Variants in KMT2E observed in about 807,000 individuals in gnomAD.
KMT2E encodes lysine methyltransferase 2E (inactive).
KMT2E carries 30 observed loss-of-function variants against 184.6 expected under a neutral mutation model. The observed-to-expected ratio is 0.16, with a 90% CI of 0.12 to 0.22. KMT2E has a LOEUF of 0.22. Ranked by LOEUF, KMT2E falls within the 10% of genes least tolerant of loss-of-function variation. The probability of loss-of-function intolerance (pLI) is 1.00; values close to 1 mark genes in which losing one functional copy is unlikely to be tolerated. For missense variants in KMT2E, 2,023 were observed against 2,237.4 expected (o/e 0.90, Z 1.93); for synonymous variants, 815 against 776.5 (o/e 1.05, Z -0.82).
At chr7:105,043,959 A>G (rs1795992622) in intron 3 of KMT2E, among the ~76,000 whole-genome samples, 1 of 152,086 alleles carries the variant, frequency 6.6e-6, no homozygotes. Flanking sequence ...TTAGCTGGGC[A>G]TGGCAGCGCA....
chr7:105,074,754 T>A lies in KMT2E; in HGVS notation c.668T>A (p.Val223Asp). The A allele has an allele frequency of 6.2e-7, 1 of 1,610,442 alleles. No homozygotes were observed. The highest frequency in any genetic ancestry group is 8.5e-7 in the Non-Finnish European group (1 of 1,178,688). ...ITLTASRVSKVNDKRRKKSGE... is the reference protein window; with the variant it reads ...ITLTASRVSKDNDKRRKKSGE... Reference sequence around the variant, plus strand: ...TTAACTGCTTCAAGAGTTTCCAAAGTTAATGATAAAAGAAGGAAAAAAAGC... The same window carrying A: ...TTAACTGCTTCAAGAGTTTCCAAAGATAATGATAAAAGAAGGAAAAAAAGC... The change falls in exon 8 of 27, where the codon GTT becomes GAT. Residue 223 changes from valine to aspartate, a missense_variant. By Grantham distance (152) the Val-to-Asp change is radical (BLOSUM62 -3). Transcript: ENST00000311117.
intron 5 of KMT2E, among the ~76,000 whole-genome samples, chr7:105,066,210 A>C (rs562807263): frequency 6.6e-6 from 1 of 152,116 alleles, no homozygotes; most frequent in African/African-American, 2.4e-5. Context: ...TCCAAGTCCT[A>C]AGTAATCTGA....
chr7:105,043,356 C>A (rs1455926072), intron 3 of KMT2E, among the ~76,000 whole-genome samples: 1 of 150,486 alleles, frequency 6.6e-6, no homozygotes, highest in Non-Finnish European at 1.5e-5. Flanking sequence ...CCTGCCTCAG[C>A]CTCCCAAGTA....
intron 13 of KMT2E, among the ~76,000 whole-genome samples, 171 bp from the exon 14 acceptor site, chr7:105,089,838 T>C (rs1437718724): frequency 6.6e-6 from 1 of 152,134 alleles, no homozygotes; most frequent in Admixed American, 6.5e-5. Context: ...ATTATTTTAA[T>C]GAAAAAAATT....
intron 2 of KMT2E, among the ~76,000 whole-genome samples, chr7:105,038,873 T>C (rs1248927674): frequency 6.6e-6 from 1 of 152,236 alleles, no homozygotes; most frequent in African/African-American, 2.4e-5. Context: ...AATGTCTTAA[T>C]ACATATGACC....
intron 13 of KMT2E, among the ~76,000 whole-genome samples, chr7:105,087,426 T>A (rs546976056): frequency 5.0e-4 from 76 of 150,608 alleles, no homozygotes; most frequent in African/African-American, 1.5e-3. Context: ...TTTTTCTTTT[T>A]TTTTGTTTTT....
Position 105,016,298 on chromosome 7 carries a change from C to T in KMT2E, c.-189+1763C>T, listed in dbSNP as rs78253927. ...TATTTAAGCTTTCCTTAAGAATTTT[C>T]AAAGTTTATTGTGTATTTGGTAAAG... On this transcript the variant is annotated intron_variant, in intron 1 of 26. Coordinates refer to ENST00000311117, the MANE Select transcript of KMT2E (RefSeq NM_182931.3). 7.9e-3 allele frequency among the ~76,000 whole-genome samples: 1,205 copies of T among 152,256 alleles called. 16 individuals are homozygous for T. Among genetic ancestry groups the T allele is most frequent in the African/African-American group, 0.027 (1,116 of 41,540 alleles).
intron 3 of KMT2E, among the ~76,000 whole-genome samples, chr7:105,050,781 G>T (rs1046859801): frequency 1.3e-5 from 2 of 151,398 alleles, no homozygotes; most frequent in African/African-American, 4.9e-5. Context: ...CCAGGCTGGA[G>T]TGCAATGGCA....
intron 3 of KMT2E, among the ~76,000 whole-genome samples, chr7:105,050,116 C>T (rs1796267909): frequency 6.6e-6 from 1 of 152,136 alleles, no homozygotes; most frequent in Non-Finnish European, 1.5e-5. Context: ...TTTCATTTCT[C>T]TAATCCTCTT....
At chr7:105,066,851 G>C (rs772161326) in intron 6 of KMT2E, 44 bp downstream of exon 6, 1 of 1,255,878 alleles carries the variant, frequency 8.0e-7, no homozygotes, top group Admixed American at 1.7e-5. Flanking sequence ...ATTTTACTGA[G>C]GTAATACTAG....
At chr7:105,041,054 A>AG in intron 3 of KMT2E, 31 bp downstream of exon 3, 1 of 1,311,330 alleles carries the variant, frequency 7.6e-7, no homozygotes, top group South Asian at 1.3e-5. Context: ...CATAAGCAAA[A>AG]AAAAAAAAAA....
chr7:105,053,792 C>T (rs1796443991), intron 3 of KMT2E, among the ~76,000 whole-genome samples: 1 of 152,146 alleles, frequency 6.6e-6, no homozygotes, highest in African/African-American at 2.4e-5. Flanking sequence ...GAGGATCACT[C>T]AAGCCCCGGG....
intron 3 of KMT2E, among the ~76,000 whole-genome samples, chr7:105,059,535 AT>A (rs1584741166): frequency 6.6e-6 from 1 of 152,210 alleles, no homozygotes; most frequent in African/African-American, 2.4e-5. Flanking sequence ...GAAAAGATAA[AT>A]GGATGTACAT....
rs147739379 is a variant in KMT2E at position 105,044,231 on chromosome 7, T to G, written c.71+3208T>G. On this transcript the variant is annotated intron_variant, in intron 3 of 26. Transcript: ENST00000311117. ...GAATTTAGGCTTTGGGTAACTCTAG[T>G]CTAAAATAATATCTAGTACCATTTT... 2.5e-3 allele frequency among the ~76,000 whole-genome samples: 385 copies of G among 152,154 alleles called. 4 individuals are homozygous for G. Among genetic ancestry groups the G allele is most frequent in the African/African-American group, 8.7e-3 (363 of 41,514 alleles).
At chr7:105,109,934 C>G (rs563812009) in intron 23 of KMT2E, among the ~76,000 whole-genome samples, 15 of 150,956 alleles carry the variant, frequency 9.9e-5, no homozygotes, top group South Asian at 4.2e-4. Context: ...AGCTCCACTT[C>G]CCAAGTTCAA....
intron 1 of KMT2E, among the ~76,000 whole-genome samples, chr7:105,021,806 C>G (rs1794967420): frequency 6.6e-6 from 1 of 152,110 alleles, no homozygotes; most frequent in Admixed American, 6.6e-5. Context: ...ATTGATATAT[C>G]ACACTGATGA....
chr7:105,110,036 T>C (rs943144035), intron 23 of KMT2E, among the ~76,000 whole-genome samples: 3 of 152,032 alleles, frequency 2.0e-5, no homozygotes, highest in African/African-American at 4.8e-5. Flanking sequence ...GGTTTCACCA[T>C]GCTGGCCAGG....
intron 13 of KMT2E, among the ~76,000 whole-genome samples, chr7:105,086,464 G>A (rs1352079633): frequency 6.6e-6 from 1 of 151,912 alleles, no homozygotes; most frequent in South Asian, 2.1e-4. Context: ...ATGACTCACG[G>A]CTGTAATCCC....
intron 12 of KMT2E, among the ~76,000 whole-genome samples, chr7:105,079,874 C>T (rs1797689067): frequency 6.6e-6 from 1 of 150,970 alleles, no homozygotes; most frequent in Non-Finnish European, 1.5e-5. Flanking sequence ...CAGGGTCTTG[C>T]CTAGGCTGGA....
Sources: allele counts gnomAD v4.1 joint callset (sites outside exome capture counted in the v4.1 genomes callset), GRCh38; gene constraint gnomAD v4.1.1; transcripts MANE v1.5; gene names NCBI Gene and HGNC (gene_info 2026-07-23, HGNC 2026-07-21).